Variants in POLN observed in about 807,000 individuals in gnomAD.
The protein encoded by POLN is DNA polymerase N.
POLN carries 108 observed loss-of-function variants against 113.5 expected under a neutral mutation model. That is an observed-to-expected ratio of 0.95 (90% CI 0.81 to 1.12). The LOEUF (loss-of-function observed/expected upper bound fraction) is 1.12. Ranked by LOEUF, POLN falls within the 50% of genes most tolerant of loss-of-function variation. POLN has a pLI of 0.00. For missense variants in POLN, 1,097 were observed against 1,077.1 expected, an observed-to-expected ratio of 1.02 and a Z score of -0.26; for synonymous variants, 386 against 391.5, an observed-to-expected ratio of 0.99 and a Z score of 0.17.
At chr4:2,099,619 C>T (rs1168188323) in intron 19 of POLN, among the ~76,000 whole-genome samples, 1 of 152,058 alleles carries the variant, frequency 6.6e-6, no homozygotes, top group Non-Finnish European at 1.5e-5. Context: ...TGGAGGGGGT[C>T]CTGGAGCAGA....
chr4:2,213,292 A>G (rs1036473934), intron 3 of POLN, among the ~76,000 whole-genome samples, 166 bp from the exon 4 acceptor site: 24 of 152,262 alleles, frequency 1.6e-4, no homozygotes, highest in African/African-American at 5.5e-4. Context: ...GCTTAGTACC[A>G]TTGCAATAAA....
chr4:2,155,590 G>A (rs918163530), intron 16 of POLN, among the ~76,000 whole-genome samples: 4 of 152,158 alleles, frequency 2.6e-5, no homozygotes, highest in South Asian at 2.1e-4. Flanking sequence ...CACATGTTAC[G>A]GAGGGAAGGG....
chr4:2,076,843 ACCTGCC>A (rs1730287999), intron 23 of POLN: 1 of 152,358 alleles, frequency 6.6e-6, no homozygotes, highest in South Asian at 2.1e-4. Flanking sequence ...ATTTCCGGTG[ACCTGCC>A]CCAATCCGCC....
rs144549878 is a variant in POLN at position 2,138,458 on chromosome 4, G to A, written c.1732-7168C>T. On this transcript the variant is annotated intron_variant, in intron 16 of 25. Transcript: ENST00000511885. ...GGAAGGCTGGCACCAAGATGTGCAG[G>A]CAACAAGGGTGGGGACAGCTATACC... Among the ~76,000 whole-genome samples, 192 of 152,282 alleles carry A rather than the reference G, an allele frequency of 1.3e-3. 1 individual carries two copies. The highest frequency in any genetic ancestry group is 4.5e-3 in the African/African-American group (187 of 41,566).
At chr4:2,157,127 A>T (rs1367482581) in intron 15 of POLN, among the ~76,000 whole-genome samples, 2 of 152,180 alleles carry the variant, frequency 1.3e-5, no homozygotes, top group Non-Finnish European at 2.9e-5. Flanking sequence ...GGGGAGAGGA[A>T]GGGCTGTTGG....
rs765899128 is a variant in POLN at position 2,081,036 on chromosome 4, C to T, written c.2309G>A (p.Gly770Asp). 1 of 1,613,536 alleles carries T rather than the reference C, an allele frequency of 6.2e-7. No individual in the cohort carries two copies. The highest frequency in any genetic ancestry group is 8.5e-7 in the Non-Finnish European group (1 of 1,179,986). The change falls in exon 23 of 26, where the codon GGC becomes GAC. Residue 770 changes from glycine (G) to aspartate (D), a missense_variant and splice_region_variant. Physicochemically the swap from Gly to Asp is moderately conservative, Grantham distance 94. Coordinates refer to ENST00000511885, the MANE Select transcript of POLN (RefSeq NM_181808.4). ...CAGCTTGCAGAGGTCAGCAGCGGAG[C>T]CTATGGGGCGCGTGGTACTGTCTTG... ...ERQAVNFVVQ[G>D]SAADLCKLAM... is the part of the protein sequence containing the mutation.
intron 2 of POLN, among the ~76,000 whole-genome samples, chr4:2,233,147 A>G (rs1206197402): frequency 6.6e-6 from 1 of 152,214 alleles, no homozygotes; most frequent in African/African-American, 2.4e-5. Flanking sequence ...TTGAAAATCA[A>G]GTAATTTCGA....
chr4:2,234,004 C>A (rs1460396647), intron 2 of POLN, among the ~76,000 whole-genome samples: 2 of 151,728 alleles, frequency 1.3e-5, no homozygotes, highest in Non-Finnish European at 2.9e-5. Context: ...TATCCAACAA[C>A]AAAAAGCTAT....
chr4:2,195,459 G>GTT (rs58164574), intron 6 of POLN, among the ~76,000 whole-genome samples: 5 of 128,596 alleles, frequency 3.9e-5, no homozygotes, highest in Admixed American at 7.7e-5. Flanking sequence ...AGGTAATTCT[G>GTT]TTTTTTTTTT....
chr4:2,137,435 G>C (rs1469507449), intron 16 of POLN, among the ~76,000 whole-genome samples: 2 of 152,220 alleles, frequency 1.3e-5, no homozygotes, highest in African/African-American at 4.8e-5. Flanking sequence ...AGCTCAGAGT[G>C]AGGGCCACAG....
At position 2,072,035 on chromosome 4, in the gene POLN, G is replaced by T; in HGVS notation, c.*79C>A. On this transcript the variant is annotated 3_prime_UTR_variant, in exon 26 of 26. Coordinates refer to ENST00000511885, the MANE Select transcript of POLN (RefSeq NM_181808.4). Reference sequence around the variant, plus strand: ...CCAAAGGGTTAATGCGTCCTGGGGCGTACAGAGCTGGTGACCTTGGGGAAG... The same window carrying T: ...CCAAAGGGTTAATGCGTCCTGGGGCTTACAGAGCTGGTGACCTTGGGGAAG... The T allele has an allele frequency of 1.3e-6, 2 of 1,507,996 alleles. No homozygotes were observed. The highest frequency in any genetic ancestry group is 1.8e-6 in the Non-Finnish European group (2 of 1,084,756). 93.4% of individuals were successfully genotyped at this position (1,507,996 alleles called of 1,614,324 possible). A position where few individuals can be genotyped will look rare whatever the true frequency, so the allele number is the denominator to read the frequency against.
At chr4:2,140,024 A>G (rs541725659) in intron 16 of POLN, 1 of 152,336 alleles carries the variant, frequency 6.6e-6, no homozygotes, top group East Asian at 1.9e-4. Context: ...CTCAAAAGGT[A>G]AGTAATAAAT....
intron 13 of POLN, among the ~76,000 whole-genome samples, 197 bp downstream of exon 13, chr4:2,170,482 A>G (rs1732832275): frequency 6.6e-6 from 1 of 152,218 alleles, no homozygotes; most frequent in Non-Finnish European, 1.5e-5. Flanking sequence ...CTGCTTCTGC[A>G]AAAGTGTACT....
intron 19 of POLN, among the ~76,000 whole-genome samples, chr4:2,120,226 T>A (rs1731407381): frequency 6.6e-6 from 1 of 152,212 alleles, no homozygotes; most frequent in Admixed American, 6.5e-5. Flanking sequence ...GTTTTAGTTA[T>A]TCTAAGCCCT....
chr4:2,206,044 A>G (rs530955571), intron 5 of POLN, among the ~76,000 whole-genome samples: 1 of 152,234 alleles, frequency 6.6e-6, no homozygotes, highest in East Asian at 1.9e-4. Context: ...TACTGGTATA[A>G]AAATAGGCAC....
chr4:2,088,358 T>C (rs1269060795), intron 20 of POLN, among the ~76,000 whole-genome samples: 1 of 152,210 alleles, frequency 6.6e-6, no homozygotes, highest in East Asian at 1.9e-4. Flanking sequence ...CATTTTCGTT[T>C]ATGAACAAAG....
chr4:2,193,362 T>C (rs10018882), intron 6 of POLN, 46 bp from the exon 7 acceptor site: 181,535 of 1,359,452 alleles, frequency 0.13, 20,408 homozygotes, highest in African/African-American at 0.54. Context: ...TAATTTGGGA[T>C]TTTCGACCTT....
Position 2,173,942 on chromosome 4 carries a change from A to C in POLN, c.1374+13T>G. On this transcript the variant is annotated intron_variant, in intron 11 of 25. Coordinates refer to ENST00000511885, the MANE Select transcript of POLN (RefSeq NM_181808.4). ...GAGATGGCCAGTACAAACCATCTGG[A>C]ATAATAACTTACCCCAAGAAGTGCT... 2 of 1,613,048 alleles carry C rather than the reference A, an allele frequency of 1.2e-6. No homozygotes were observed. Among genetic ancestry groups the C allele is most frequent in the East Asian group, 4.5e-5 (2 of 44,882 alleles).
chr4:2,075,584 CAGGG>C, intron 23 of POLN, 65 bp from the exon 24 acceptor site: 3 of 1,571,486 alleles, frequency 1.9e-6, no homozygotes, highest in Non-Finnish European at 1.7e-6. Context: ...ACCAGCCTGG[CAGGG>C]AGGGAGGGAG....
Sources: gnomAD v4.1 joint callset for allele counts (sites outside exome capture counted in the v4.1 genomes callset) on GRCh38, gnomAD v4.1.1 for gene constraint, MANE v1.5 for transcripts, NCBI Gene and HGNC (gene_info 2026-07-23, HGNC 2026-07-21) for gene names.